KANK1: variants seen among roughly 807,000 people sequenced by gnomAD.
The protein encoded by KANK1 is KN motif and ankyrin repeat domains 1, also known as KN motif and ankyrin repeat domain-containing protein 1.
Under a neutral mutation model 106.2 loss-of-function variants are expected in KANK1, and 109 were observed. That is an observed-to-expected ratio of 1.03 (90% CI 0.88 to 1.20). The LOEUF (loss-of-function observed/expected upper bound fraction) is 1.20. Among genes scored for constraint, KANK1 ranks in the 50% most tolerant of loss-of-function variants. The probability of loss-of-function intolerance (pLI) is 0.00; values close to 1 mark genes in which losing one functional copy is unlikely to be tolerated. For synonymous variants in KANK1, 873 were observed against 652.2 expected, an observed-to-expected ratio of 1.34 and a Z score of -5.16; for missense variants, 2,399 against 1,710.7, an observed-to-expected ratio of 1.40 and a Z score of -7.10.
intron 1 of KANK1, among the ~76,000 whole-genome samples, chr9:545,614 A>G (rs934217704): frequency 6.6e-6 from 1 of 152,022 alleles, no homozygotes; most frequent in Non-Finnish European, 1.5e-5. Context: ...TAGCTCCTGC[A>G]GAGCCAAGAG....
chr9:641,826 A>G (rs1415244365), intron 1 of KANK1, among the ~76,000 whole-genome samples: 1 of 152,216 alleles, frequency 6.6e-6, no homozygotes, highest in African/African-American at 2.4e-5. Flanking sequence ...TTATTAAGGT[A>G]TAATTCACAA....
intron 11 of KANK1, chr9:744,951 C>G (rs1472254118): frequency 5.9e-5 from 85 of 1,451,698 alleles, no homozygotes; most frequent in Middle Eastern, 2.4e-4. Context: ...ACAGTTCACT[C>G]TGAGTGGGAA....
chr9:545,567 C>G (rs750355838), intron 1 of KANK1, among the ~76,000 whole-genome samples: 2 of 151,966 alleles, frequency 1.3e-5, no homozygotes, highest in Non-Finnish European at 2.9e-5. Flanking sequence ...AGGAAATCTT[C>G]ATGGGTGCTT....
At chr9:612,919 TATGGTTA>T (rs1190165547) in intron 1 of KANK1, among the ~76,000 whole-genome samples, 1 of 152,188 alleles carries the variant, frequency 6.6e-6, no homozygotes, top group African/African-American at 2.4e-5. Flanking sequence ...TACATATGCC[TATGGTTA>T]CATGCAGAGG....
intron 1 of KANK1, among the ~76,000 whole-genome samples, chr9:575,114 T>C (rs1820202347): frequency 6.6e-6 from 1 of 152,198 alleles, no homozygotes; most frequent in African/African-American, 2.4e-5. Context: ...AGGGTACTTG[T>C]CTTAAATGTT....
intron 1 of KANK1, among the ~76,000 whole-genome samples, chr9:613,080 A>G (rs1178796262): frequency 6.6e-6 from 1 of 152,112 alleles, no homozygotes; most frequent in Non-Finnish European, 1.5e-5. Flanking sequence ...AGAGGAGGAA[A>G]TATGGAGTAA....
intron 3 of KANK1, among the ~76,000 whole-genome samples, chr9:722,671 G>T (rs937772084): frequency 2.0e-5 from 3 of 152,162 alleles, no homozygotes; most frequent in African/African-American, 7.2e-5. Context: ...ACATTTTCTG[G>T]CAATATAGGT....
intron 1 of KANK1, chr9:549,762 C>G (rs918483044): frequency 1.3e-5 from 2 of 152,244 alleles, no homozygotes; most frequent in Non-Finnish European, 1.5e-5. Context: ...AACTATGAAG[C>G]GGGGTGAGGG....
chr9:602,723 A>G (rs950736936), intron 1 of KANK1, among the ~76,000 whole-genome samples: 36 of 151,904 alleles, frequency 2.4e-4, no homozygotes, highest in African/African-American at 8.7e-4. Context: ...TGAAGTCTTT[A>G]CGGTCAGAGG....
chr9:609,758 A>G (rs1588221100), intron 1 of KANK1, among the ~76,000 whole-genome samples: 1 of 152,318 alleles, frequency 6.6e-6, no homozygotes, highest in South Asian at 2.1e-4. Flanking sequence ...ATAAAGGAGA[A>G]GTATCTTAAT....
intron 8 of KANK1, among the ~76,000 whole-genome samples, chr9:740,337 G>A (rs74764276): frequency 0.04 from 6,140 of 152,180 alleles, 406 homozygotes; most frequent in African/African-American, 0.14. Flanking sequence ...GTCTCAGAAT[G>A]AGTAATGTTT....
chr9:602,582 A>G (rs1250889854), intron 1 of KANK1, among the ~76,000 whole-genome samples: 3 of 151,860 alleles, frequency 2.0e-5, no homozygotes, highest in African/African-American at 4.9e-5. Context: ...TAATGAGAAT[A>G]TCTTTTGGTT....
At chr9:643,423 G>T (rs1013866932) in intron 1 of KANK1, among the ~76,000 whole-genome samples, 1 of 150,126 alleles carries the variant, frequency 6.7e-6, no homozygotes, top group Non-Finnish European at 1.5e-5. Context: ...ACTTTTTGTT[G>T]TTGTTTAATA....
At chr9:693,305 G>T (rs1029696315) in intron 2 of KANK1, 1 of 809,490 alleles carries the variant, frequency 1.2e-6, no homozygotes, top group African/African-American at 1.9e-5. Flanking sequence ...GCCAGCTGCT[G>T]TGCTATAGCT....
In KANK1 at chr9:559,642, G is replaced by A. The variant is rs73371070; in HGVS notation, c.-84+54888G>A. 6.9e-3 allele frequency among the ~76,000 whole-genome samples: 1,056 copies of A among 152,236 alleles called. 16 individuals carry two copies. The highest frequency in any genetic ancestry group is 0.023 in the African/African-American group (963 of 41,548). ...ACTTCTGTTGACAATCTTTCAAGAC[G>A]GGAGAAGGGTGAAAAAGACGGAAAA... On this transcript the variant is annotated intron_variant, in intron 1 of 11. Transcript: ENST00000382297.
intron 1 of KANK1, among the ~76,000 whole-genome samples, chr9:616,661 C>G (rs139115579): frequency 8.1e-4 from 124 of 152,266 alleles, no homozygotes; most frequent in African/African-American, 2.9e-3. Flanking sequence ...TCTGCAAGAC[C>G]CCAAATCTCA....
intron 1 of KANK1, among the ~76,000 whole-genome samples, chr9:657,840 T>C (rs1056699179): frequency 3.3e-5 from 5 of 151,962 alleles, no homozygotes; most frequent in Non-Finnish European, 5.9e-5. Flanking sequence ...CACAAGAAAA[T>C]ATGGGAAATT....
intron 2 of KANK1, among the ~76,000 whole-genome samples, chr9:705,936 G>T (rs1348825561): frequency 2.0e-5 from 3 of 151,888 alleles, no homozygotes. Flanking sequence ...TTTGCTCTCT[G>T]GGTGCTTATA....
intron 3 of KANK1, among the ~76,000 whole-genome samples, chr9:486,466 G>A (rs73639549): frequency 0.065 from 9,833 of 152,154 alleles, 1,096 homozygotes; most frequent in African/African-American, 0.23. Context: ...ACTGCCTTAT[G>A]GGGTAGGTAT....
Sources: allele counts gnomAD v4.1 joint callset (sites outside exome capture counted in the v4.1 genomes callset), GRCh38; gene constraint gnomAD v4.1.1; transcripts MANE v1.5; gene names NCBI Gene and HGNC (gene_info 2026-07-23, HGNC 2026-07-21).